FEZ1: variants seen among roughly 807,000 people sequenced by gnomAD.
FEZ1 encodes fasciculation and elongation protein zeta 1.
A neutral mutation model predicts 49.3 loss-of-function variants in FEZ1; 20 were observed. The ratio of observed to expected loss-of-function variants is 0.41; its 90% CI spans 0.29 to 0.59. The LOEUF (loss-of-function observed/expected upper bound fraction) is 0.59, where lower values mean the gene tolerates loss of function less well. FEZ1 is among the 20% of genes least tolerant of loss of function. The pLI is 0.36. For missense variants in FEZ1, 413 were observed against 476.0 expected (o/e 0.87, Z 1.23); for synonymous variants, 170 against 180.9 (o/e 0.94, Z 0.48).
In FEZ1 at chr11:125,481,584, A is replaced by C. The variant is rs1957279878; in HGVS notation, c.361T>G (p.Trp121Gly). The stretch of plus-strand genomic sequence containing the variant: ...AGAGCCTCGATGTTTGGATCCCTCC[A>C]GTCTTCTGAGAGTGAAGGGATGTAA... ...DNYIPSLSEDWRDPNIEALNG... is the reference protein window; with the variant it reads ...DNYIPSLSEDGRDPNIEALNG... Residue 121 changes from tryptophan to glycine, a missense_variant, in exon 3 of 10, where the codon TGG becomes GGG. Transcript: ENST00000278919. 6.2e-7 allele frequency: 1 copy of C among 1,613,478 alleles called. No individual in the cohort carries two copies. The highest frequency in any genetic ancestry group is 8.5e-7 in the Non-Finnish European group (1 of 1,179,658).
chr11:125,451,319 A>G (rs1708290629), intron 8 of FEZ1: 1 of 152,218 alleles, frequency 6.6e-6, no homozygotes, highest in African/African-American at 2.4e-5. Flanking sequence ...CACAGTGTCT[A>G]TTGATGCAGG....
At chr11:125,479,324 C>A (rs1957259480) in intron 3 of FEZ1, among the ~76,000 whole-genome samples, 1 of 152,196 alleles carries the variant, frequency 6.6e-6, no homozygotes, top group South Asian at 2.1e-4. Flanking sequence ...GAATCTGTTT[C>A]TTGCTCTTTT....
intron 5 of FEZ1, chr11:125,456,418 A>G (rs1357903032): frequency 3.1e-6 from 1 of 324,688 alleles, no homozygotes; most frequent in Admixed American, 4.5e-5. Context: ...ATCTGTGTCC[A>G]TAAGATTCCT....
rs559483840 is a variant in FEZ1, at chr11:125,455,866, C to G, written c.908G>C (p.Arg303Pro). 1 of 1,613,950 alleles carries G rather than the reference C, an allele frequency of 6.2e-7. No homozygotes were observed. ...AGGCATCTGGTTTCCCTTCTCTATC[C>G]GGCTGCTCTGCAGGCTCAGCCCTTT... ...KEKGLSLQSS[R>P]IEKGNQMPLK... The change falls in exon 6 of 10, where the codon CGG (arginine) becomes CCG (proline). Residue 303 changes from arginine (R) to proline (P), a missense_variant. By Grantham distance (103) the Arg-to-Pro change is moderately radical. Coordinates refer to ENST00000278919, the MANE Select transcript of FEZ1 (RefSeq NM_005103.5).
At chr11:125,491,741 T>C (rs963825307) in intron 1 of FEZ1, among the ~76,000 whole-genome samples, 1 of 152,218 alleles carries the variant, frequency 6.6e-6, no homozygotes, top group Non-Finnish European at 1.5e-5. Flanking sequence ...CACTGCCAGT[T>C]TGTACCGGGA....
chr11:125,464,850 C>T (rs749489151), intron 3 of FEZ1, among the ~76,000 whole-genome samples: 3 of 152,156 alleles, frequency 2.0e-5, no homozygotes, highest in Admixed American at 6.6e-5. Flanking sequence ...CATCTATTTC[C>T]GCTGTCAAAC....
chr11:125,470,438 T>C (rs1006507400), intron 3 of FEZ1, among the ~76,000 whole-genome samples: 2 of 152,052 alleles, frequency 1.3e-5, no homozygotes, highest in African/African-American at 4.8e-5. Flanking sequence ...ATTCAGAAGA[T>C]CAGCTTCAGA....
At position 125,458,950 on chromosome 11, in the gene FEZ1, C is replaced by T. The variant is rs369081536; in HGVS notation, c.667+1548G>A. ...GCGTAGTGGTGCATGCCTGTAATCC[C>T]AGCTACTCGGGAGGATGAGGCAGGA... On this transcript the variant is annotated intron_variant, in intron 5 of 9. Coordinates refer to ENST00000278919, the MANE Select transcript of FEZ1 (RefSeq NM_005103.5). Among the ~76,000 whole-genome samples the T allele has an allele frequency of 1.3e-4, 20 of 152,220 alleles. No homozygotes were observed. The East Asian group carries it at 3.9e-3, about 29-fold the overall frequency.
At chr11:125,484,879 C>T (rs1401092113) in intron 2 of FEZ1, among the ~76,000 whole-genome samples, 1 of 152,080 alleles carries the variant, frequency 6.6e-6, no homozygotes, top group Non-Finnish European at 1.5e-5. Context: ...CCAGCAGCCT[C>T]AGCAACAGAG....
At chr11:125,458,537 G>A (rs1435634865) in intron 5 of FEZ1, among the ~76,000 whole-genome samples, 2 of 152,142 alleles carry the variant, frequency 1.3e-5, no homozygotes, top group Non-Finnish European at 2.9e-5. Context: ...AATTTTAAAT[G>A]AGAGGCTTGA....
In FEZ1 at chr11:125,458,948, C is replaced by A. The variant is rs1046188048; in HGVS notation, c.667+1550G>T. 2.0e-5 allele frequency among the ~76,000 whole-genome samples: 3 copies of A among 152,108 alleles called. No homozygotes were observed. The East Asian group carries it at 5.8e-4, about 29-fold the overall frequency. On this transcript the variant is annotated intron_variant, in intron 5 of 9. Transcript: ENST00000278919. ...AGGCGTAGTGGTGCATGCCTGTAAT[C>A]CCAGCTACTCGGGAGGATGAGGCAG...
chr11:125,458,763 T>C (rs922678153), intron 5 of FEZ1, among the ~76,000 whole-genome samples: 1 of 152,240 alleles, frequency 6.6e-6, no homozygotes, highest in Admixed American at 6.5e-5. Context: ...GCCTGGAGGT[T>C]ACTGCTTTGA....
intron 4 of FEZ1, 67 bp downstream of exon 4, chr11:125,463,417 T>C: frequency 2.3e-6 from 2 of 886,760 alleles, no homozygotes; most frequent in African/African-American, 1.6e-5. Context: ...GTGGCAAGTG[T>C]GTTCTCTTGG....
At chr11:125,459,650 T>C (rs1397246147) in intron 5 of FEZ1, among the ~76,000 whole-genome samples, 1 of 152,088 alleles carries the variant, frequency 6.6e-6, no homozygotes. Flanking sequence ...TCACCTGTCT[T>C]TGTGGAGAGG....
At chr11:125,452,221 G>C in intron 8 of FEZ1, 113 bp downstream of exon 8, 2 of 735,776 alleles carry the variant, frequency 2.7e-6, no homozygotes, top group South Asian at 3.1e-5. Context: ...GGGTATTTTG[G>C]CCCATGTAAA....
At chr11:125,486,302 G>C (rs1957326168) in intron 2 of FEZ1, among the ~76,000 whole-genome samples, 1 of 152,196 alleles carries the variant, frequency 6.6e-6, no homozygotes, top group African/African-American at 2.4e-5. Flanking sequence ...TAGGAGGTAA[G>C]CTGAGGGCCG....
In FEZ1 at chr11:125,477,489, A is replaced by G. The variant is rs562764565; in HGVS notation, c.411+4045T>C. ...CACTGCACTCCAGCCTGAGTGACAG[A>G]GTGTGACTCCATCACACACACACAC... is the stretch of plus-strand genomic sequence containing the variant. On this transcript the variant is annotated intron_variant, in intron 3 of 9. Coordinates refer to ENST00000278919, the MANE Select transcript of FEZ1 (RefSeq NM_005103.5). Among the ~76,000 whole-genome samples, 52 of 152,228 alleles carry G rather than the reference A, an allele frequency of 3.4e-4. No homozygotes were observed. In the South Asian group the frequency reaches 0.01, roughly 30 times the overall value.
chr11:125,480,509 G>A (rs1484381499), intron 3 of FEZ1, among the ~76,000 whole-genome samples: 1 of 152,192 alleles, frequency 6.6e-6, no homozygotes, highest in Non-Finnish European at 1.5e-5. Flanking sequence ...TTGTGGGCCT[G>A]AACTATTCAT....
At chr11:125,462,638 A>G (rs1957087320) in intron 4 of FEZ1, among the ~76,000 whole-genome samples, 1 of 152,230 alleles carries the variant, frequency 6.6e-6, no homozygotes, top group African/African-American at 2.4e-5. Flanking sequence ...AGTGTCAAGA[A>G]TGACATTCAT....
Sources: allele counts gnomAD v4.1 joint callset (sites outside exome capture counted in the v4.1 genomes callset), GRCh38; gene constraint gnomAD v4.1.1; transcripts MANE v1.5; gene names NCBI Gene and HGNC (gene_info 2026-07-23, HGNC 2026-07-21).